SCAF4: variants seen among roughly 807,000 people sequenced by gnomAD.
SCAF4 encodes the protein SR-related CTD associated factor 4.
In SCAF4, 25 loss-of-function variants were observed where a neutral mutation model predicts 129.8. The ratio of observed to expected loss-of-function variants is 0.19; its 90% CI spans 0.14 to 0.27. SCAF4 has a LOEUF of 0.27. Ranked by LOEUF, SCAF4 falls within the 10% of genes least tolerant of loss-of-function variation. The pLI is 1.00. For synonymous variants in SCAF4, 551 were observed against 497.7 expected (o/e 1.11, Z -1.43); for missense variants, 1,246 against 1,457.1 (o/e 0.86, Z 2.36).
At chr21:31,682,812 C>T (rs575784790) in intron 19 of SCAF4, among the ~76,000 whole-genome samples, 63 of 152,244 alleles carry the variant, frequency 4.1e-4, no homozygotes, top group Admixed American at 7.2e-4. Flanking sequence ...ATTACTGATC[C>T]TTTAGTACTG....
chr21:31,711,131 T>C (rs542095088), intron 1 of SCAF4, among the ~76,000 whole-genome samples: 1 of 152,358 alleles, frequency 6.6e-6, no homozygotes, highest in East Asian at 1.9e-4. Context: ...GGATGACTTT[T>C]ATTCTCCTTT....
intron 11 of SCAF4, among the ~76,000 whole-genome samples, chr21:31,693,950 T>C (rs2050320068): frequency 1.3e-5 from 2 of 152,106 alleles, no homozygotes. Flanking sequence ...TGATTACCTA[T>C]GTATAGAATT....
chr21:31,691,829 C>T lies in SCAF4; in HGVS notation c.1716G>A (p.Gln572=). ...TGTAAGACTGTACCTTTATGGATTTCTGGTTCACTTTATAGTTTCCTCGGC... is the reference window on the plus strand; with the variant it reads ...TGTAAGACTGTACCTTTATGGATTTTTGGTTCACTTTATAGTTTCCTCGGC... The part of the protein sequence containing the change: ...KLSRGNYKVN[Q]KSIKIAWALN... Residue 572 remains glutamine, a synonymous_variant, in exon 14 of 20, where the codon CAG becomes CAA. Transcript: ENST00000286835. The T allele has an allele frequency of 6.3e-7, 1 of 1,584,398 alleles. No homozygotes were observed. Among genetic ancestry groups the T allele is most frequent in the Non-Finnish European group, 8.6e-7 (1 of 1,160,962 alleles).
At chr21:31,680,040 T>C (rs988511905) in intron 19 of SCAF4, among the ~76,000 whole-genome samples, 7 of 152,208 alleles carry the variant, frequency 4.6e-5, no homozygotes, top group Admixed American at 3.3e-4. Context: ...AAATCTTACC[T>C]GAAATTCTTT....
At chr21:31,702,888 A>G (rs2050568751) in intron 4 of SCAF4, among the ~76,000 whole-genome samples, 1 of 152,178 alleles carries the variant, frequency 6.6e-6, no homozygotes, top group Middle Eastern at 3.2e-3. Context: ...TTTTCCCACA[A>G]GAGCATTCTT....
rs534611906 is a variant in SCAF4, at chr21:31,695,737, G to A, written c.1068+376C>T. Among the ~76,000 whole-genome samples the A allele has an allele frequency of 3.9e-4, 60 of 152,124 alleles. No individual in the cohort carries two copies. In the Middle Eastern group the frequency reaches 0.014, roughly 34 times the overall value. Reference sequence around the variant, plus strand: ...GTGCTATGTATGCTCCTTTTATTGCGGATTTCAAACTATATTCCTGAATGT... The same window carrying A: ...GTGCTATGTATGCTCCTTTTATTGCAGATTTCAAACTATATTCCTGAATGT... On this transcript the variant is annotated intron_variant, in intron 9 of 19. Coordinates refer to ENST00000286835, the MANE Select transcript of SCAF4 (RefSeq NM_020706.2).
rs369727999 is a variant in SCAF4 at position 31,699,241 on chromosome 21, T to C, written c.777+1754A>G. On this transcript the variant is annotated intron_variant, in intron 7 of 19. Transcript: ENST00000286835. ...TTTCAAAAACATAATGGTTTAACTA[T>C]CTTCAACCATATTCTAAAACAGATT... 3.3e-4 allele frequency among the ~76,000 whole-genome samples: 50 copies of C among 152,298 alleles called. No individual in the cohort carries two copies. In the South Asian group the frequency reaches 9.7e-3, roughly 30 times the overall value.
chr21:31,702,114 T>A (rs2123584836), intron 5 of SCAF4, 130 bp downstream of exon 5: 1 of 1,372,004 alleles, frequency 7.3e-7, no homozygotes, highest in Middle Eastern at 1.8e-4. Flanking sequence ...GGAAAGAAAA[T>A]CATACCTTCC....
chr21:31,687,024 CAGA>C (rs1421113577), intron 16 of SCAF4, among the ~76,000 whole-genome samples: 1 of 152,182 alleles, frequency 6.6e-6, no homozygotes, highest in African/African-American at 2.4e-5. Flanking sequence ...GGGGCATATC[CAGA>C]AGGTCAGCTG....
rs1057273288 is a variant in SCAF4 at position 31,671,122 on chromosome 21, AAAAT to A, written c.*273_*276del. The A allele has an allele frequency of 8.9e-4, 267 of 298,954 alleles. No homozygotes were observed. Among genetic ancestry groups the A allele is most frequent in the Non-Finnish European group, 1.4e-3 (238 of 164,548 alleles). The allele number at this position is 298,954 out of a possible 1,614,324, so 18.5% of individuals were successfully genotyped here. ...TTGTCTTAAATTAAAAAAAAAAAAA[AAAAT>A]AGAGAGCACTTCTAATTACGATTTG... On this transcript the variant is annotated 3_prime_UTR_variant, in exon 20 of 20. Coordinates refer to ENST00000286835, the MANE Select transcript of SCAF4 (RefSeq NM_020706.2).
chr21:31,727,880 A>C (rs1346364351), intron 1 of SCAF4, among the ~76,000 whole-genome samples: 1 of 152,088 alleles, frequency 6.6e-6, no homozygotes, highest in East Asian at 1.9e-4. Context: ...TACAACAGAC[A>C]CCATTAAGTA....
chr21:31,714,984 T>C (rs2050889623), intron 1 of SCAF4, among the ~76,000 whole-genome samples: 1 of 152,208 alleles, frequency 6.6e-6, no homozygotes, highest in East Asian at 1.9e-4. Context: ...ATGGACAGGG[T>C]CCGGACGTAG....
Position 31,685,422 on chromosome 21 carries a change from T to A in SCAF4, c.2272A>T (p.Thr758Ser), listed in dbSNP as rs1440987207. ...TPPVSIPPPH[T>S]PPISIPNSTI... is the part of the protein sequence containing the mutation. ...CAGTTTGGGATGCTTATTGGTGGAG[T>A]GTGAGGAGGAGGAATGGATACTGGT... The change falls in exon 18 of 20, where the codon ACT (threonine) becomes TCT (serine). Residue 758 changes from threonine (T) to serine (S), a missense_variant. Around this residue, in one of 6 missense-constraint regions of SCAF4, gnomAD observed 468 missense variants for 605.5 expected, o/e 0.77. Coordinates refer to ENST00000286835, the MANE Select transcript of SCAF4 (RefSeq NM_020706.2). The A allele has an allele frequency of 6.2e-7, 1 of 1,611,000 alleles. No individual in the cohort carries two copies. The highest frequency in any genetic ancestry group is 1.3e-5 in the African/African-American group (1 of 74,448).
chr21:31,700,749 T>C (rs1277742873), intron 7 of SCAF4: 13 of 413,682 alleles, frequency 3.1e-5, no homozygotes, highest in Non-Finnish European at 5.3e-5. Flanking sequence ...TTCTTTTTTT[T>C]TTTTTTTTCA....
intron 1 of SCAF4, among the ~76,000 whole-genome samples, chr21:31,717,551 ATAAC>A (rs780514000): frequency 6.6e-6 from 1 of 152,158 alleles, no homozygotes; most frequent in Non-Finnish European, 1.5e-5. Context: ...GATTATAAAT[ATAAC>A]TAAGTGATAA....
chr21:31,685,367 T>C (rs1300562623), intron 18 of SCAF4, 31 bp downstream of exon 18: 7 of 1,580,962 alleles, frequency 4.4e-6, no homozygotes, highest in Non-Finnish European at 6.0e-6. Flanking sequence ...TCCAAGAGGA[T>C]AAGCAAACAC....
chr21:31,691,872 C>T lies in SCAF4; in HGVS notation c.1673G>A (p.Arg558His), dbSNP rs768058097. Residue 558 changes from arginine to histidine, a missense_variant, in exon 14 of 20, where the codon CGT (arginine) becomes CAT (histidine). By Grantham distance (29) the Arg-to-His change is conservative. This residue lies in a region of SCAF4 where 468 missense variants were observed against 605.5 expected (regional missense o/e 0.77). Coordinates refer to ENST00000286835, the MANE Select transcript of SCAF4 (RefSeq NM_020706.2). ...IVMVHRQDAY[R>H]ALQKLSRGNY... ...TCCTCGGCTCAGTTTCTGCAGGGCA[C>T]GATAGGCATCTTGCCTATGAACCAT... 17 of 1,609,672 alleles carry T rather than the reference C, an allele frequency of 1.1e-5. No individual in the cohort carries two copies. Among genetic ancestry groups the T allele is most frequent in the South Asian group, 2.2e-5 (2 of 90,480 alleles).
rs112078881 is a variant in SCAF4, at chr21:31,675,004, T to C, written c.2489-2650A>G. ...GTGGCAGTCATCGGGGGTGTCTGAA[T>C]TGGATCTCAAAGGAAAATGCACAAG... On this transcript the variant is annotated intron_variant, in intron 19 of 19. Coordinates refer to ENST00000286835, the MANE Select transcript of SCAF4 (RefSeq NM_020706.2). Among the ~76,000 whole-genome samples, 1,301 of 152,236 alleles carry C rather than the reference T, an allele frequency of 8.5e-3. 20 individuals are homozygous for C. The highest frequency in any genetic ancestry group is 0.029 in the African/African-American group (1,224 of 41,552).
At chr21:31,690,715 T>C in intron 15 of SCAF4, 82 bp downstream of exon 15, 44 of 1,295,614 alleles carry the variant, frequency 3.4e-5, no homozygotes, top group Non-Finnish European at 4.5e-5. Flanking sequence ...CACGTCCTAA[T>C]GCAAGGAACA....
Sources: allele counts gnomAD v4.1 joint callset (sites outside exome capture counted in the v4.1 genomes callset), GRCh38; gene constraint gnomAD v4.1.1; regional missense constraint gnomAD v4.1.1; transcripts MANE v1.5; gene names NCBI Gene and HGNC (gene_info 2026-07-23, HGNC 2026-07-21).